WWOX: variants seen among roughly 807,000 people sequenced by gnomAD.
The protein encoded by WWOX is WW domain-containing oxidoreductase.
WWOX carries 69 observed loss-of-function variants against 46.2 expected under a neutral mutation model. The ratio of observed to expected loss-of-function variants is 1.49; its 90% CI spans 1.23 to 1.82. The LOEUF (loss-of-function observed/expected upper bound fraction) is 1.82. Ranked by LOEUF, WWOX falls within the 40% of genes most tolerant of loss-of-function variation. The pLI, the probability that WWOX is intolerant of heterozygous loss-of-function variation, is 0.00. For synonymous variants in WWOX, 359 were observed against 202.6 expected, an observed-to-expected ratio of 1.77 and a Z score of -6.56; for missense variants, 919 against 542.6, an observed-to-expected ratio of 1.69 and a Z score of -6.89.
chr16:78,217,112 G>A lies in WWOX; in HGVS notation c.516+52823G>A, dbSNP rs116361921. 1.9e-3 allele frequency among the ~76,000 whole-genome samples: 290 copies of A among 152,284 alleles called. 2 individuals are homozygous for A. Among genetic ancestry groups the A allele is most frequent in the African/African-American group, 6.7e-3 (278 of 41,544 alleles). On this transcript the variant is annotated intron_variant, in intron 5 of 8. Transcript: ENST00000566780. ...TTGCCACGCAGTCTACCATATTCAC[G>A]GGTTTCAGGGATTAGGACCTGGACA...
At chr16:78,680,448 C>T (rs535920427) in intron 8 of WWOX, among the ~76,000 whole-genome samples, 13 of 151,836 alleles carry the variant, frequency 8.6e-5, no homozygotes, top group African/African-American at 3.1e-4. Context: ...GTGGGAGGAT[C>T]GCTTGAGCCC....
intron 8 of WWOX, among the ~76,000 whole-genome samples, chr16:79,104,134 G>A (rs2049260969): frequency 6.6e-6 from 1 of 151,102 alleles, no homozygotes; most frequent in African/African-American, 2.4e-5. Context: ...TCTAAAGCTG[G>A]AATCAAAAAG....
intron 4 of WWOX, among the ~76,000 whole-genome samples, chr16:78,144,732 G>T (rs2034139774): frequency 6.6e-6 from 1 of 150,920 alleles, no homozygotes; most frequent in African/African-American, 2.4e-5. Context: ...TATTGGCCAG[G>T]CCAGTCTCAA....
At chr16:78,991,181 A>C (rs573765857) in intron 8 of WWOX, among the ~76,000 whole-genome samples, 22 of 152,286 alleles carry the variant, frequency 1.4e-4, no homozygotes, top group Admixed American at 4.6e-4. Context: ...CAAAGAAGAA[A>C]TTTGGAGAAA....
intron 8 of WWOX, among the ~76,000 whole-genome samples, chr16:78,948,131 A>T (rs574484579): frequency 6.6e-6 from 1 of 152,118 alleles, no homozygotes; most frequent in East Asian, 1.9e-4. Context: ...GCCTCTGTGA[A>T]CCTTAAGTTG....
chr16:78,833,339 C>G (rs1236790983), intron 8 of WWOX, among the ~76,000 whole-genome samples: 1 of 152,078 alleles, frequency 6.6e-6, no homozygotes, highest in African/African-American at 2.4e-5. Context: ...TTTCTTTATA[C>G]CAGTCCTCAA....
intron 8 of WWOX, among the ~76,000 whole-genome samples, chr16:79,068,298 G>C (rs755522248): frequency 2.6e-5 from 4 of 152,198 alleles, no homozygotes; most frequent in Non-Finnish European, 5.9e-5. Flanking sequence ...TGTAAAGCCT[G>C]TAACCATCTT....
chr16:78,173,688 C>T (rs1288847940), intron 5 of WWOX, among the ~76,000 whole-genome samples: 2 of 152,224 alleles, frequency 1.3e-5, no homozygotes, highest in South Asian at 2.1e-4. Context: ...AGTAAATGGT[C>T]GTTGCAGGGA....
At chr16:79,039,289 C>T (rs1368341725) in intron 8 of WWOX, among the ~76,000 whole-genome samples, 2 of 152,078 alleles carry the variant, frequency 1.3e-5, no homozygotes, top group Non-Finnish European at 2.9e-5. Flanking sequence ...CCTCTCTGCG[C>T]CCTTGGATTG....
intron 8 of WWOX, among the ~76,000 whole-genome samples, chr16:78,885,234 C>G (rs1399343481): frequency 2.8e-5 from 3 of 107,170 alleles, no homozygotes; most frequent in African/African-American, 9.3e-5. Flanking sequence ...TTTGTAAATG[C>G]AGAAGGAACA....
At chr16:78,579,311 G>A (rs889665990) in intron 8 of WWOX, among the ~76,000 whole-genome samples, 1 of 152,186 alleles carries the variant, frequency 6.6e-6, no homozygotes, top group Non-Finnish European at 1.5e-5. Flanking sequence ...TGTCGACGGT[G>A]TGAGTGATAT....
intron 8 of WWOX, among the ~76,000 whole-genome samples, chr16:78,818,882 AGTGGAGGTTAAGT>A (rs1334284234): frequency 6.6e-6 from 1 of 152,212 alleles, no homozygotes; most frequent in Admixed American, 6.5e-5. Flanking sequence ...GGGAATGTAA[AGTGGAGGTTAAGT>A]GTACGGCTTA....
At chr16:78,216,522 C>T (rs951349537) in intron 5 of WWOX, among the ~76,000 whole-genome samples, 1 of 75,112 alleles carries the variant, frequency 1.3e-5, no homozygotes, top group African/African-American at 5.6e-5. Context: ...GGGGGAAGGT[C>T]GTTCCTTGGC....
intron 8 of WWOX, among the ~76,000 whole-genome samples, chr16:78,607,044 C>T (rs1181893541): frequency 6.6e-6 from 1 of 152,112 alleles, no homozygotes; most frequent in African/African-American, 2.4e-5. Flanking sequence ...TTCCCCACTT[C>T]TCAGAACAAT....
intron 8 of WWOX, among the ~76,000 whole-genome samples, chr16:78,717,010 A>C (rs1041803679): frequency 6.6e-6 from 1 of 152,176 alleles, no homozygotes; most frequent in Non-Finnish European, 1.5e-5. Flanking sequence ...AACACCTCCC[A>C]TGGTTGTCTG....
rs560656360 is a variant in WWOX, at chr16:78,999,864, C to G, written c.1057-211744C>G. On this transcript the variant is annotated intron_variant, in intron 8 of 8. Coordinates refer to ENST00000566780, the MANE Select transcript of WWOX (RefSeq NM_016373.4). The stretch of plus-strand genomic sequence containing the variant: ...ACTTGTACCCTTGAAATACATAAAA[C>G]TTTATAAAAAATTAAAAAGAGTTAC... 1.6e-4 allele frequency among the ~76,000 whole-genome samples: 24 copies of G among 152,154 alleles called. No individual in the cohort carries two copies. In the East Asian group the frequency reaches 4.4e-3, roughly 28 times the overall value.
intron 8 of WWOX, among the ~76,000 whole-genome samples, chr16:78,771,629 G>A (rs186212780): frequency 1.7e-3 from 254 of 152,134 alleles, no homozygotes; most frequent in Middle Eastern, 6.8e-3. Context: ...AAAATTGGGC[G>A]GGCATTGTGG....
intron 6 of WWOX, among the ~76,000 whole-genome samples, chr16:78,401,500 G>A (rs1258586349): frequency 2.6e-5 from 4 of 152,086 alleles, no homozygotes; most frequent in African/African-American, 9.7e-5. Flanking sequence ...GCTGTATCTT[G>A]TAACCTGTAT....
At chr16:78,803,322 G>A (rs57173279) in intron 8 of WWOX, among the ~76,000 whole-genome samples, 2 of 151,898 alleles carry the variant, frequency 1.3e-5, no homozygotes, top group Non-Finnish European at 2.9e-5. Flanking sequence ...TATTTGGCCA[G>A]AAAGTCTATA....
Sources: allele counts gnomAD v4.1 joint callset (sites outside exome capture counted in the v4.1 genomes callset), GRCh38; gene constraint gnomAD v4.1.1; transcripts MANE v1.5; gene names NCBI Gene and HGNC (gene_info 2026-07-23, HGNC 2026-07-21).